Variants in CLEC2A observed in about 807,000 individuals in gnomAD.
The protein encoded by CLEC2A is keratinocyte-associated C-type lectin.
Under a neutral mutation model 18.6 loss-of-function variants are expected in CLEC2A, and 19 were observed. That is an observed-to-expected ratio of 1.02 (90% CI 0.71 to 1.50). CLEC2A has a LOEUF of 1.50. CLEC2A is among the 40% of genes most tolerant of loss of function. The pLI is 0.00. For missense variants in CLEC2A, 190 were observed against 207.9 expected (o/e 0.91, Z 0.53); for synonymous variants, 74 against 64.0 (o/e 1.16, Z -0.75).
the CLEC2A span, chr12:9,893,631 TTC>T: frequency 2.1e-6 from 1 of 487,628 alleles, no homozygotes; most frequent in Non-Finnish European, 3.5e-6. Flanking sequence ...TTTTCCTTCT[TTC>T]TCTGTTTTCC....
At chr12:9,921,649 G>C (rs1863174909) in intron 3 of CLEC2A, among the ~76,000 whole-genome samples, 1 of 152,138 alleles carries the variant, frequency 6.6e-6, no homozygotes, top group South Asian at 2.1e-4. Context: ...GTAGCCTGCT[G>C]TTGACTGGAA....
downstream of CLEC2A, chr12:9,893,680 GCTCT>G (rs568486379): frequency 2.4e-6 from 1 of 412,332 alleles, no homozygotes; most frequent in South Asian, 9.3e-5. Flanking sequence ...TTCCCTTTTA[GCTCT>G]CTCTTTTCTT....
chr12:9,910,354 G>C (rs1469586367), downstream of CLEC2A, among the ~76,000 whole-genome samples: 1 of 152,080 alleles, frequency 6.6e-6, no homozygotes, highest in Admixed American at 6.5e-5. Flanking sequence ...GTGTCTAACT[G>C]GAGCAGGCTT....
chr12:9,883,027 T>A, the CLEC2A span, among the ~76,000 whole-genome samples: 1 of 152,238 alleles, frequency 6.6e-6, no homozygotes, highest in South Asian at 2.1e-4. Context: ...TAAGATAATA[T>A]CCATTTAAAT....
chr12:9,897,933 A>G (rs1431285224), downstream of CLEC2A, among the ~76,000 whole-genome samples: 1 of 152,230 alleles, frequency 6.6e-6, no homozygotes, highest in Non-Finnish European at 1.5e-5. Context: ...GCACATGGCT[A>G]TAGTTATGGC....
the CLEC2A span, among the ~76,000 whole-genome samples, chr12:9,883,341 C>T: frequency 5.9e-5 from 9 of 152,176 alleles, no homozygotes; most frequent in Non-Finnish European, 1.2e-4. Flanking sequence ...AAGACAATTT[C>T]TTCATATAGC....
chr12:9,911,804 A>AGG (rs2137029989), downstream of CLEC2A, among the ~76,000 whole-genome samples: 1 of 152,282 alleles, frequency 6.6e-6, no homozygotes, highest in Admixed American at 6.5e-5. Flanking sequence ...TTTAAGAGAC[A>AGG]GGGCTAGGAG....
chr12:9,878,158 G>A, the CLEC2A span, among the ~76,000 whole-genome samples: 1 of 152,166 alleles, frequency 6.6e-6, no homozygotes, highest in Admixed American at 6.5e-5. Flanking sequence ...TGATAATCTG[G>A]TATGGGTGTG....
At chr12:9,912,490 C>T (rs976332831), downstream of CLEC2A, among the ~76,000 whole-genome samples, 6 of 152,152 alleles carry the variant, frequency 3.9e-5, no homozygotes, top group African/African-American at 7.2e-5. Flanking sequence ...TGAGAGGTTT[C>T]GAGTCCTCAT....
chr12:9,918,140 AT>A (rs1863103180), intron 3 of CLEC2A, among the ~76,000 whole-genome samples: 1 of 150,088 alleles, frequency 6.7e-6, no homozygotes, highest in African/African-American at 2.4e-5. Flanking sequence ...TTTTTTTACT[AT>A]TGCTTTTGTT....
chr12:9,890,427 G>T, the CLEC2A span, among the ~76,000 whole-genome samples: 1 of 152,068 alleles, frequency 6.6e-6, no homozygotes, highest in East Asian at 1.9e-4. Flanking sequence ...TCTCTCTTAC[G>T]GTGTTGGCAC....
At position 9,922,114 on chromosome 12, in the gene CLEC2A, A is replaced by C; in HGVS notation, c.258T>G (p.Cys86Trp). The change falls in exon 3 of 5, where the codon TGT (cysteine) becomes TGG (tryptophan). Residue 86 changes from cysteine (C) to tryptophan (W), a missense_variant. By Grantham distance (215) the Cys-to-Trp change is radical. Transcript: ENST00000455827. Reference sequence around the variant, plus strand: ...GAGCAAGTTCTGCTTTCTGCAAACTACAAAATATTTTACTGGCTGTCCAAT... The same window carrying C: ...GAGCAAGTTCTGCTTTCTGCAAACTCCAAAATATTTTACTGGCTGTCCAAT... ...TRNWTASKIF[C>W]SLQKAELAQI... 1 of 1,551,166 alleles carries C rather than the reference A, an allele frequency of 6.4e-7. No individual in the cohort carries two copies. Among genetic ancestry groups the C allele is most frequent in the Non-Finnish European group, 8.7e-7 (1 of 1,146,682 alleles).
At chr12:9,897,528 G>A (rs1181443737), downstream of CLEC2A, among the ~76,000 whole-genome samples, 2 of 150,910 alleles carry the variant, frequency 1.3e-5, no homozygotes, top group Non-Finnish European at 3.0e-5. Flanking sequence ...AAAGTGAGGA[G>A]AGCAGAATTT....
At chr12:9,919,977 T>C (rs1207784901) in intron 3 of CLEC2A, among the ~76,000 whole-genome samples, 1 of 152,186 alleles carries the variant, frequency 6.6e-6, no homozygotes, top group African/African-American at 2.4e-5. Flanking sequence ...AGCTGTGCCG[T>C]GCTGGGGGAC....
chr12:9,926,211 C>A, intron 2 of CLEC2A, 49 bp downstream of exon 2: 1 of 1,098,862 alleles, frequency 9.1e-7, no homozygotes, highest in East Asian at 2.6e-5. Context: ...TATACATGGA[C>A]CCTTCAGGAG....
chr12:9,880,227 A>G, the CLEC2A span, among the ~76,000 whole-genome samples: 1 of 152,240 alleles, frequency 6.6e-6, no homozygotes, highest in Admixed American at 6.5e-5. Context: ...AAATCATCTT[A>G]TCAGAAACTA....
intron 4 of CLEC2A, among the ~76,000 whole-genome samples, chr12:9,903,780 A>G (rs923030147): frequency 6.6e-5 from 10 of 152,210 alleles, no homozygotes; most frequent in African/African-American, 2.4e-4. Flanking sequence ...CCAGAATAGT[A>G]GGGACTCAAA....
At chr12:9,885,168 T>A in the CLEC2A span, 7 of 328,762 alleles carry the variant, frequency 2.1e-5, no homozygotes, top group East Asian at 9.2e-5. Flanking sequence ...ATATTAAATT[T>A]AAAAAATTAA....
At chr12:9,887,305 T>C in the CLEC2A span, among the ~76,000 whole-genome samples, 1 of 152,128 alleles carries the variant, frequency 6.6e-6, no homozygotes, top group Admixed American at 6.5e-5. Context: ...GATAGATAGA[T>C]AGATAGATAA....
Sources: gnomAD v4.1 joint callset for allele counts (sites outside exome capture counted in the v4.1 genomes callset) on GRCh38, gnomAD v4.1.1 for gene constraint, MANE v1.5 for transcripts, NCBI Gene and HGNC (gene_info 2026-07-23, HGNC 2026-07-21) for gene names.